The following CCDC88C variants were observed in gnomAD, a reference collection of about 807,000 sequenced individuals.
The protein encoded by CCDC88C is protein Daple.
A neutral mutation model predicts 198.8 loss-of-function variants in CCDC88C; 131 were observed. The observed-to-expected ratio is 0.66, with a 90% CI of 0.57 to 0.76. The LOEUF (loss-of-function observed/expected upper bound fraction) is 0.76. Ranked by LOEUF, CCDC88C falls within the 30% of genes least tolerant of loss-of-function variation. The pLI is 0.00. For synonymous variants in CCDC88C, 1,166 were observed against 1,114.7 expected, an observed-to-expected ratio of 1.05 and a Z score of -0.92; for missense variants, 2,553 against 2,631.6, an observed-to-expected ratio of 0.97 and a Z score of 0.65.
rs1887131654 is a variant in CCDC88C, at chr14:91,417,538, G to A, written c.60+93C>T. On this transcript the variant is annotated intron_variant, in intron 1 of 29. Transcript: ENST00000389857. ...GTCCCTCGCGCCCCGGAGCCACCCG[G>A]GGCCCCGGCCGTGTCGGGTCTGCGG... is the stretch of plus-strand genomic sequence containing the variant. 2.4e-6 allele frequency: 3 copies of A among 1,237,374 alleles called. No homozygotes were observed. In the Admixed American group the frequency reaches 6.9e-5, roughly 28 times the overall value. 76.6% of individuals were successfully genotyped at this position (1,237,374 alleles called of 1,614,324 possible).
At chr14:91,379,723 T>C (rs1884664801) in intron 3 of CCDC88C, 1 of 659,480 alleles carries the variant, frequency 1.5e-6, no homozygotes, top group South Asian at 1.7e-5. Flanking sequence ...CCCACAGTGA[T>C]GGCCTTCCAT....
chr14:91,273,319 C>T lies in CCDC88C; in HGVS notation c.5393G>A (p.Ser1798Asn), dbSNP rs973871027. ...GCTGAAGGCCCGGCTCAAGGAGGCA[C>T]TGCGGCTGGCAGGTGCATGGGAAGC... ...PPASHAPASR[S>N]ASLSRAFSLA... The change falls in exon 30 of 30, where the codon AGT (serine) becomes AAT (asparagine). Residue 1798 changes from serine (S) to asparagine (N), a missense_variant. By Grantham distance (46) the Ser-to-Asn change is conservative. This residue lies in a region of CCDC88C where 1,293 missense variants were observed against 1,219.6 expected (regional missense o/e 1.06). Transcript: ENST00000389857. This position sits in a 1 kb window ranked among gnomAD's most constrained non-coding sequence, Gnocchi z 5.6. 1 of 1,554,042 alleles carries T rather than the reference C, an allele frequency of 6.4e-7. No individual in the cohort carries two copies.
chr14:91,364,915 C>A, intron 3 of CCDC88C, among the ~76,000 whole-genome samples: 1 of 152,316 alleles, frequency 6.6e-6, no homozygotes, highest in Admixed American at 6.5e-5. Flanking sequence ...TCGGGACCAT[C>A]CCCAAAACAC....
chr14:91,344,443 C>T (rs1456677327), intron 4 of CCDC88C, among the ~76,000 whole-genome samples: 1 of 152,134 alleles, frequency 6.6e-6, no homozygotes, highest in African/African-American at 2.4e-5. Flanking sequence ...TACCTGCCTC[C>T]TCCTTCCCCC....
intron 10 of CCDC88C, among the ~76,000 whole-genome samples, chr14:91,335,493 T>A (rs1035948137): frequency 4.6e-5 from 7 of 152,066 alleles, no homozygotes; most frequent in Admixed American, 4.6e-4. Context: ...GGTTAACTCC[T>A]AGCTATTTCA....
chr14:91,352,573 A>G lies in CCDC88C; in HGVS notation c.340+7069T>C, dbSNP rs984149466. Among the ~76,000 whole-genome samples, 1 of 152,200 alleles carries G rather than the reference A, an allele frequency of 6.6e-6. No homozygotes were observed. Among genetic ancestry groups the G allele is most frequent in the Non-Finnish European group, 1.5e-5 (1 of 68,048 alleles). On this transcript the variant is annotated intron_variant, in intron 4 of 29. Transcript: ENST00000389857. The surrounding 1 kb of genome is among the most constrained non-coding windows in gnomAD (Gnocchi z 4.2). ...GAACAATCAAAATGCCTGCAAGATT[A>G]GCTTTTTCTTATTTCTTCCCTCCCA...
chr14:91,348,550 C>T (rs950578221), intron 4 of CCDC88C, among the ~76,000 whole-genome samples: 2 of 152,012 alleles, frequency 1.3e-5, no homozygotes, highest in Non-Finnish European at 2.9e-5. Flanking sequence ...ACAGAGCAAA[C>T]GGTTCTACTC....
intron 3 of CCDC88C, among the ~76,000 whole-genome samples, chr14:91,394,967 T>A (rs1885757308): frequency 1.3e-5 from 2 of 151,982 alleles, no homozygotes; most frequent in African/African-American, 4.8e-5. Flanking sequence ...CGGGTGGGCA[T>A]CCTCCCCTCC....
At chr14:91,297,913 C>T (rs1205154478) in intron 21 of CCDC88C, among the ~76,000 whole-genome samples, 5 of 152,194 alleles carry the variant, frequency 3.3e-5, no homozygotes, top group African/African-American at 1.2e-4. Flanking sequence ...TCTGTCTCTG[C>T]CCAGCTCTTC....
chr14:91,346,608 G>A (rs1405811158), intron 4 of CCDC88C, among the ~76,000 whole-genome samples: 1 of 151,964 alleles, frequency 6.6e-6, no homozygotes, highest in East Asian at 1.9e-4. Flanking sequence ...TTTTAGTTTC[G>A]ATAAAGAGAA....
chr14:91,415,680 A>C (rs140353491), intron 2 of CCDC88C, among the ~76,000 whole-genome samples: 2,195 of 151,820 alleles, frequency 0.014, 55 homozygotes, highest in African/African-American at 0.05. Context: ...AGATCACGCC[A>C]TTGCACTCCA....
chr14:91,323,845 G>A (rs17127241), intron 12 of CCDC88C, among the ~76,000 whole-genome samples: 3,159 of 152,328 alleles, frequency 0.021, 119 homozygotes, highest in African/African-American at 0.072. Flanking sequence ...CCAGAACTAC[G>A]CACAGATATC....
rs1272405443 is a variant in CCDC88C, at chr14:91,288,627, G to C, written c.4441+478C>G. On this transcript the variant is annotated intron_variant, in intron 25 of 29. Coordinates refer to ENST00000389857, the MANE Select transcript of CCDC88C (RefSeq NM_001080414.4). This position sits in a 1 kb window ranked among gnomAD's most constrained non-coding sequence, Gnocchi z 4.2. ...TGTTCTAAAACAACAAAAGTGGTTG[G>C]GCGTGGCAGCTCACGCCTGTAATCC... is the stretch of plus-strand genomic sequence containing the variant. The C allele has an allele frequency of 6.5e-6, 1 of 153,772 alleles. No individual in the cohort carries two copies. The highest frequency in any genetic ancestry group is 1.4e-5 in the Non-Finnish European group (1 of 69,472). The allele number at this position is 153,772 out of a possible 1,614,324, so 9.5% of individuals were successfully genotyped here.
intron 3 of CCDC88C, among the ~76,000 whole-genome samples, chr14:91,373,942 A>G (rs967522553): frequency 9.2e-5 from 14 of 152,298 alleles, no homozygotes; most frequent in African/African-American, 3.1e-4. Context: ...TCACTTCCTC[A>G]GCAATCAGTG....
chr14:91,285,940 C>T, intron 25 of CCDC88C: 1 of 611,952 alleles, frequency 1.6e-6, no homozygotes, highest in Non-Finnish European at 2.5e-6. Flanking sequence ...GCTAAATGTA[C>T]TTAAGAAATC....
intron 18 of CCDC88C, 81 bp from the exon 19 acceptor site, chr14:91,306,007 A>T: frequency 6.8e-7 from 1 of 1,466,508 alleles, no homozygotes; most frequent in Non-Finnish European, 9.3e-7. Context: ...GTTGTAACGA[A>T]CCCTCAAAAG....
At chr14:91,387,611 G>A (rs1885223317) in intron 3 of CCDC88C, among the ~76,000 whole-genome samples, 1 of 152,204 alleles carries the variant, frequency 6.6e-6, no homozygotes, top group South Asian at 2.1e-4. Context: ...CTAGGAGGCA[G>A]ACTAGACAGG....
In CCDC88C at chr14:91,305,705, G is replaced by A. The variant is rs562236251; in HGVS notation, c.3357+60C>T. 1.3e-4 allele frequency: 202 copies of A among 1,536,766 alleles called. 4 individuals carry two copies. Among genetic ancestry groups the A allele is most frequent in the Middle Eastern group, 1.2e-3 (6 of 4,928 alleles). On this transcript the variant is annotated intron_variant, in intron 19 of 29. Coordinates refer to ENST00000389857, the MANE Select transcript of CCDC88C (RefSeq NM_001080414.4). ...TCCTAATGCCCCCAGTTGGTCCCCA[G>A]GAGCCACAGATAAACATCCCGCCAG...
intron 2 of CCDC88C, among the ~76,000 whole-genome samples, chr14:91,409,672 A>C (rs1321536988): frequency 6.9e-6 from 1 of 145,892 alleles, no homozygotes; most frequent in Non-Finnish European, 1.5e-5. Context: ...ATTTTTAGTA[A>C]AGACAGGGTT....
Sources: gnomAD v4.1 joint callset for allele counts (sites outside exome capture counted in the v4.1 genomes callset) on GRCh38, gnomAD v4.1.1 for gene constraint, gnomAD v4.1.1 regional missense constraint, Gnocchi (gnomAD v3.1) non-coding constraint, MANE v1.5 for transcripts, NCBI Gene and HGNC (gene_info 2026-07-23, HGNC 2026-07-21) for gene names.